SYT14: variants seen among roughly 807,000 people sequenced by gnomAD.
SYT14 encodes synaptotagmin-14.
SYT14 carries 32 observed loss-of-function variants against 74.2 expected under a neutral mutation model. That is an observed-to-expected ratio of 0.43 (90% CI 0.33 to 0.58). The LOEUF is 0.58. Among genes scored for constraint, SYT14 ranks in the 20% least tolerant of loss-of-function variants. The pLI is 0.05. For synonymous variants in SYT14, 298 were observed against 337.7 expected (o/e 0.88, Z 1.29); for missense variants, 791 against 981.8 (o/e 0.81, Z 2.60).
intron 2 of SYT14, among the ~76,000 whole-genome samples, chr1:209,976,654 A>C (rs1424498608): frequency 1.3e-5 from 2 of 152,028 alleles, no homozygotes; most frequent in Admixed American, 6.6e-5. Flanking sequence ...TAAGTACGGC[A>C]TGGTGCTGAG....
At chr1:209,968,019 A>G (rs573903524) in intron 2 of SYT14, among the ~76,000 whole-genome samples, 3 of 152,312 alleles carry the variant, frequency 2.0e-5, no homozygotes, top group South Asian at 2.1e-4. Flanking sequence ...TAACTATAAT[A>G]TAACTGAGGA....
intron 2 of SYT14, among the ~76,000 whole-genome samples, chr1:209,999,982 A>C (rs372531560): frequency 6.6e-6 from 1 of 152,214 alleles, no homozygotes; most frequent in African/African-American, 2.4e-5. Context: ...GTCATAACAC[A>C]TTCTATTCTT....
At position 210,162,031 on chromosome 1, in the gene SYT14, C is replaced by G. The variant is rs1239464915; in HGVS notation, c.*989C>G. 3 of 448,892 alleles carry G rather than the reference C, an allele frequency of 6.7e-6. No individual in the cohort carries two copies. The Admixed American group carries it at 7.2e-5, about 11-fold the overall frequency. 27.8% of individuals were successfully genotyped at this position (448,892 alleles called of 1,614,324 possible). On this transcript the variant is annotated 3_prime_UTR_variant, in exon 10 of 10. Transcript: ENST00000637265. ...AACCAACACTGCGTAAAGCAGGTAG[C>G]ATTCAAAATAAGAAACTGTTCTCTC...
At chr1:210,129,600 T>G (rs112999561) in intron 7 of SYT14, among the ~76,000 whole-genome samples, 1 of 152,234 alleles carries the variant, frequency 6.6e-6, no homozygotes, top group African/African-American at 2.4e-5. Context: ...ATTTAAACTT[T>G]CTTGATAATA....
At chr1:209,967,883 A>G (rs1332248824) in intron 2 of SYT14, among the ~76,000 whole-genome samples, 3 of 152,056 alleles carry the variant, frequency 2.0e-5, no homozygotes, top group Non-Finnish European at 4.4e-5. Flanking sequence ...CTGGTTTAAG[A>G]TGTTTTTCAA....
rs188338904 is a variant in SYT14, at chr1:210,163,259, C to G, written c.*2217C>G. On this transcript the variant is annotated 3_prime_UTR_variant, in exon 10 of 10. Coordinates refer to ENST00000637265, the Ensembl canonical transcript of SYT14. ...CCTAACTAATTGTTATTTGTTAAAT[C>G]TACCTTTTTTCAGACTATTCCCAGA... The G allele has an allele frequency of 9.3e-4, 420 of 453,644 alleles. 2 individuals carry two copies. The Admixed American group carries it at 9.4e-3, about 10-fold the overall frequency. 28.1% of individuals were successfully genotyped at this position (453,644 alleles called of 1,614,324 possible).
exon 10 of SYT14, chr1:210,168,553 A>G (rs1332505003): frequency 1.3e-5 from 2 of 152,216 alleles, no homozygotes; most frequent in Admixed American, 1.3e-4. Flanking sequence ...TATATACTGA[A>G]AAAAATTTTC....
At chr1:210,094,615 T>G (rs2081936790) in intron 6 of SYT14, 22 bp downstream of exon 5, 1 of 1,612,838 alleles carries the variant, frequency 6.2e-7, no homozygotes, top group Non-Finnish European at 8.5e-7. Context: ...CACATAGAAG[T>G]TTGAAAATGA....
At chr1:210,046,638 GCTT>G (rs1348398431) in intron 5 of SYT14, among the ~76,000 whole-genome samples, 4 of 152,036 alleles carry the variant, frequency 2.6e-5, no homozygotes, top group Non-Finnish European at 5.9e-5. Context: ...CTTGTGTCTG[GCTT>G]CTTTCACTTA....
chr1:210,008,677 G>A (rs2080032236), intron 2 of SYT14, among the ~76,000 whole-genome samples: 2 of 152,148 alleles, frequency 1.3e-5, no homozygotes, highest in Admixed American at 6.6e-5. Context: ...TGAAGATTTT[G>A]AAGATCCTCC....
chr1:209,948,702 C>A (rs2078861240), intron 1 of SYT14, among the ~76,000 whole-genome samples: 1 of 151,742 alleles, frequency 6.6e-6, no homozygotes, highest in African/African-American at 2.4e-5. Context: ...TTTTTTCTGA[C>A]AATTAACTAG....
chr1:210,034,425 TTATATAAA>T lies in SYT14; in HGVS notation c.1312+13178_1312+13185del, dbSNP rs147869652. Among the ~76,000 whole-genome samples, 349 of 151,728 alleles carry T rather than the reference TTATATAAA, an allele frequency of 2.3e-3. 2 individuals carry two copies. The highest frequency in any genetic ancestry group is 7.9e-3 in the African/African-American group (326 of 41,488). Reference sequence around the variant, plus strand: ...TTATAGAAAAATCAGAAGTTAAATTTTATATAAATATATATACATATATTTTTAAATAG... The same window carrying T: ...TTATAGAAAAATCAGAAGTTAAATTTTATATATACATATATTTTTAAATAG... On this transcript the variant is annotated intron_variant, in intron 5 of 9. Transcript: ENST00000637265.
At chr1:210,085,753 G>T (rs2081715084) in intron 5 of SYT14, among the ~76,000 whole-genome samples, 1 of 152,072 alleles carries the variant, frequency 6.6e-6, no homozygotes, top group Admixed American at 6.6e-5. Flanking sequence ...TTGTGATATG[G>T]TACCCTGTTT....
At chr1:210,080,757 A>G (rs1225409533) in intron 5 of SYT14, among the ~76,000 whole-genome samples, 4 of 151,766 alleles carry the variant, frequency 2.6e-5, no homozygotes, top group African/African-American at 9.8e-5. Context: ...ACATAGTGCA[A>G]TACATTGTAA....
intron 7 of SYT14, among the ~76,000 whole-genome samples, chr1:210,132,289 T>C (rs901153617): frequency 1.3e-5 from 2 of 151,998 alleles, no homozygotes; most frequent in African/African-American, 2.4e-5. Flanking sequence ...CCTCTTCATA[T>C]CTTTCTTCCC....
chr1:209,952,922 A>G lies in SYT14; in HGVS notation c.-486+166A>G, dbSNP rs2078934941. On this transcript the variant is annotated intron_variant, in intron 2 of 9. Coordinates refer to ENST00000637265, the Ensembl canonical transcript of SYT14. ...AGCATTAGTAAAGTGCATATTACTT[A>G]TTATGTGATTATTGAGAGTTGTTGC... is the stretch of plus-strand genomic sequence containing the variant. 4.2e-6 allele frequency: 4 copies of G among 959,010 alleles called. No individual in the cohort carries two copies. In the South Asian group the frequency reaches 4.5e-5, roughly 11 times the overall value. 59.4% of individuals were successfully genotyped at this position (959,010 alleles called of 1,614,324 possible).
At chr1:210,158,956 G>T (rs1044233706) in intron 8 of SYT14, among the ~76,000 whole-genome samples, 34 of 151,880 alleles carry the variant, frequency 2.2e-4, no homozygotes, top group African/African-American at 8.2e-4. Flanking sequence ...AGAGCAAAAA[G>T]TTCAATAGTC....
At chr1:210,079,408 G>A (rs1047859860) in intron 5 of SYT14, among the ~76,000 whole-genome samples, 1 of 152,024 alleles carries the variant, frequency 6.6e-6, no homozygotes, top group Non-Finnish European at 1.5e-5. Context: ...TCTACCTAAT[G>A]AGAAGATAAA....
At chr1:210,150,879 A>G (rs2083143943) in intron 7 of SYT14, among the ~76,000 whole-genome samples, 1 of 152,192 alleles carries the variant, frequency 6.6e-6, no homozygotes, top group Non-Finnish European at 1.5e-5. Flanking sequence ...ATTATATTGT[A>G]TTTTTAATCA....
Sources: allele counts gnomAD v4.1 joint callset (sites outside exome capture counted in the v4.1 genomes callset), GRCh38; gene constraint gnomAD v4.1.1; transcripts MANE v1.5; gene names NCBI Gene and HGNC (gene_info 2026-07-23, HGNC 2026-07-21).